Variants in RAP1B observed in about 807,000 individuals in gnomAD.
RAP1B encodes RAP1B, member of RAS oncogene family.
RAP1B carries 1 observed loss-of-function variant against 27.5 expected under a neutral mutation model. The observed-to-expected ratio is 0.04, with a 90% CI of 0.01 to 0.17. The LOEUF (loss-of-function observed/expected upper bound fraction) is 0.17, where lower values mean the gene tolerates loss of function less well. Ranked by LOEUF, RAP1B falls within the 10% of genes least tolerant of loss-of-function variation. RAP1B has a pLI of 1.00. For synonymous variants in RAP1B, 75 were observed against 73.1 expected (o/e 1.03, Z -0.13); for missense variants, 84 against 214.8 (o/e 0.39, Z 3.81).
chr12:68,656,365 G>C lies in RAP1B; in HGVS notation c.384G>C (p.Lys128Asn). Reference sequence around the variant, plus strand: ...TGGAAGATGAAAGAGTTGTAGGGAAGGAACAAGGTCAAAATCTAGCAAGAC... The same window carrying C: ...TGGAAGATGAAAGAGTTGTAGGGAACGAACAAGGTCAAAATCTAGCAAGAC... ...CDLEDERVVGKEQGQNLARQW... is the reference protein window; with the variant it reads ...CDLEDERVVGNEQGQNLARQW... The change falls in exon 6 of 8, where the codon AAG becomes AAC. Residue 128 changes from lysine (K) to asparagine (N), a missense_variant. Physicochemically the swap from Lys to Asn is moderately conservative, Grantham distance 94 (BLOSUM62 0). Coordinates refer to ENST00000250559, the MANE Select transcript of RAP1B (RefSeq NM_001010942.3). The C allele has an allele frequency of 1.2e-6, 2 of 1,608,156 alleles. No individual in the cohort carries two copies. The highest frequency in any genetic ancestry group is 4.5e-5 in the East Asian group (2 of 44,740).
Position 68,664,524 on chromosome 12 carries a change from A to G in RAP1B, c.*5275A>G, listed in dbSNP as rs1344301181. On this transcript the variant is annotated 3_prime_UTR_variant, in exon 8 of 8. Coordinates refer to ENST00000250559, the MANE Select transcript of RAP1B (RefSeq NM_001010942.3). ...GGAGTTTGAGACAAGCCTGGCCAACATGGTGAAACCCCGTCTCTACTAAAA... is the reference window on the plus strand; with the variant it reads ...GGAGTTTGAGACAAGCCTGGCCAACGTGGTGAAACCCCGTCTCTACTAAAA... 6.6e-6 allele frequency: 1 copy of G among 152,224 alleles called. No homozygotes were observed. Among genetic ancestry groups the G allele is most frequent in the Non-Finnish European group, 1.5e-5 (1 of 68,088 alleles). The allele number at this position is 152,224 out of a possible 1,614,324, so 9.4% of individuals were successfully genotyped here.
chr12:68,651,898 T>G lies in RAP1B; in HGVS notation c.127-97T>G. ...ATTAGTTTGTAAAGTTGTTAAAATC[T>G]GTGTGTCTTATTTTTGATACATTAG... On this transcript the variant is annotated intron_variant, in intron 3 of 7. Transcript: ENST00000250559. The G allele has an allele frequency of 4.5e-6, 4 of 887,812 alleles. No individual in the cohort carries two copies. In the South Asian group the frequency reaches 6.7e-5, roughly 15 times the overall value. 55.0% of individuals were successfully genotyped at this position (887,812 alleles called of 1,614,324 possible).
At position 68,650,591 on chromosome 12, in the gene RAP1B, A is replaced by G. The variant is rs979819273; in HGVS notation, c.126+123A>G. On this transcript the variant is annotated intron_variant, in intron 3 of 7. Transcript: ENST00000250559. ...AGAGTTAATTTATAAAATTAGTGGG[A>G]AAAGTTTACACTTTCTGGCATTGCA... is the stretch of plus-strand genomic sequence containing the variant. 4 of 928,878 alleles carry G rather than the reference A, an allele frequency of 4.3e-6. No individual in the cohort carries two copies. In the African/African-American group the frequency reaches 7.0e-5, roughly 16 times the overall value. 57.5% of individuals were successfully genotyped at this position (928,878 alleles called of 1,614,324 possible). A position where few individuals can be genotyped will look rare whatever the true frequency, so the allele number is the denominator to read the frequency against.
rs971089035 is a variant in RAP1B, at chr12:68,669,395, C to T, written c.*10146C>T. On this transcript the variant is annotated 3_prime_UTR_variant, in exon 8 of 8. Coordinates refer to ENST00000250559, the MANE Select transcript of RAP1B (RefSeq NM_001010942.3). ...TTTTTGTTTTTGATTTTTTAATAGA[C>T]TGGATGTTGGTCTTGAACTCCTGGG... 7.9e-5 allele frequency: 12 copies of T among 152,246 alleles called. No homozygotes were observed. Among genetic ancestry groups the T allele is most frequent in the African/African-American group, 2.9e-4 (12 of 41,546 alleles). 9.4% of individuals were successfully genotyped at this position (152,246 alleles called of 1,614,324 possible).
chr12:68,612,145 AT>A (rs1228577993), intron 1 of RAP1B, among the ~76,000 whole-genome samples: 1 of 152,222 alleles, frequency 6.6e-6, no homozygotes, highest in Non-Finnish European at 1.5e-5. Flanking sequence ...TGATTTTAGT[AT>A]TTTAAAATTA....
chr12:68,642,800 C>T, intron 1 of RAP1B: 1 of 1,030,410 alleles, frequency 9.7e-7, no homozygotes, highest in South Asian at 1.3e-5. Flanking sequence ...ATCCACCAAA[C>T]CGGCCTTGGC....
At chr12:68,623,804 C>T (rs1319832512) in intron 1 of RAP1B, among the ~76,000 whole-genome samples, 4 of 152,270 alleles carry the variant, frequency 2.6e-5, no homozygotes, top group Non-Finnish European at 5.9e-5. Context: ...GGGTGGATCA[C>T]GAGGTCAGGA....
chr12:68,627,668 A>G (rs1565660614), intron 1 of RAP1B, among the ~76,000 whole-genome samples: 1 of 152,060 alleles, frequency 6.6e-6, no homozygotes, highest in Non-Finnish European at 1.5e-5. Flanking sequence ...TACATCTAAC[A>G]GAAACATAAT....
intron 1 of RAP1B, among the ~76,000 whole-genome samples, chr12:68,640,853 C>T (rs970170867): frequency 2.0e-5 from 3 of 151,978 alleles, no homozygotes; most frequent in Non-Finnish European, 4.4e-5. Context: ...CCCCATAAGA[C>T]CAGTTTTTAT....
intron 1 of RAP1B, among the ~76,000 whole-genome samples, chr12:68,620,008 A>G (rs1871282047): frequency 6.6e-6 from 1 of 152,120 alleles, no homozygotes; most frequent in African/African-American, 2.4e-5. Flanking sequence ...TGACTTTCTC[A>G]GTTTTAAAAT....
intron 1 of RAP1B, chr12:68,624,635 G>A (rs1392323594): frequency 6.6e-6 from 1 of 152,150 alleles, no homozygotes; most frequent in Non-Finnish European, 1.5e-5. Context: ...GGCCAACATG[G>A]TGAAACCCCA....
In RAP1B at chr12:68,654,098, T is replaced by C. The variant is rs1204114493; in HGVS notation, c.184-14T>C. On this transcript the variant is annotated splice_polypyrimidine_tract_variant and intron_variant, in intron 4 of 7. Transcript: ENST00000250559. ...ACATTATTGTTTTTTAACGTTCCTT[T>C]CTTTCTATTGTAGGAGCAATTTACA... 1.9e-6 allele frequency: 3 copies of C among 1,570,020 alleles called. No individual in the cohort carries two copies. Among genetic ancestry groups the C allele is most frequent in the Non-Finnish European group, 2.6e-6 (3 of 1,146,170 alleles).
At chr12:68,651,812 G>A in intron 3 of RAP1B, 183 bp from the exon 4 acceptor site, 2 of 532,150 alleles carry the variant, frequency 3.8e-6, no homozygotes, top group East Asian at 2.9e-5. Flanking sequence ...ACAATTTGGG[G>A]GTCTTTGAAT....
In RAP1B at chr12:68,650,475, ATTAC is replaced by A. The variant is rs1330165796; in HGVS notation, c.126+10_126+13del. 9.3e-6 allele frequency: 14 copies of A among 1,501,348 alleles called. No homozygotes were observed. The highest frequency in any genetic ancestry group is 1.2e-5 in the Non-Finnish European group (14 of 1,121,828). 93.0% of individuals were successfully genotyped at this position (1,501,348 alleles called of 1,614,324 possible). ...AGAAGATTCTTATAGAAAGGTATAT[ATTAC>A]TTTGGAAGGCCTTTTGCTTTTGATT... On this transcript the variant is annotated splice_region_variant and intron_variant, in intron 3 of 7. Transcript: ENST00000250559.
rs1029429576 is a variant in RAP1B, at chr12:68,660,772, A to G, written c.*1523A>G. 5.3e-5 allele frequency: 8 copies of G among 152,218 alleles called. No individual in the cohort carries two copies. The highest frequency in any genetic ancestry group is 1.7e-4 in the African/African-American group (7 of 41,474). 9.4% of individuals were successfully genotyped at this position (152,218 alleles called of 1,614,324 possible). On this transcript the variant is annotated 3_prime_UTR_variant, in exon 8 of 8. Coordinates refer to ENST00000250559, the MANE Select transcript of RAP1B (RefSeq NM_001010942.3). ...ATAATTTTGTAAATCAAGCAGTATT[A>G]CTTACGAATAAATGCCTTTGGGTAA...
chr12:68,638,687 TCTCA>T, intron 1 of RAP1B, among the ~76,000 whole-genome samples: 1 of 152,128 alleles, frequency 6.6e-6, no homozygotes, highest in Middle Eastern at 3.4e-3. Flanking sequence ...TGAGACAGAG[TCTCA>T]CTCTGTATGC....
rs1331322761 is a variant in RAP1B, at chr12:68,659,452, A to G, written c.*203A>G. The G allele has an allele frequency of 2.7e-6, 1 of 366,052 alleles. No individual in the cohort carries two copies. Among genetic ancestry groups the G allele is most frequent in the Non-Finnish European group, 5.3e-6 (1 of 187,666 alleles). The allele number at this position is 366,052 out of a possible 1,614,324, so 22.7% of individuals were successfully genotyped here. A position where few individuals can be genotyped will look rare whatever the true frequency, so the allele number is the denominator to read the frequency against. On this transcript the variant is annotated 3_prime_UTR_variant, in exon 8 of 8. Transcript: ENST00000250559. ...AGTATCACAAGAGAGATTTTTACTT[A>G]TATAATAGTCCTAGAGTTTGCAGCT...
intron 1 of RAP1B, among the ~76,000 whole-genome samples, chr12:68,620,124 AAC>A (rs1281067128): frequency 6.6e-6 from 1 of 150,732 alleles, no homozygotes; most frequent in Non-Finnish European, 1.5e-5. Flanking sequence ...ACTTTTCAAA[AAC>A]ACACCTGTAG....
rs1049660586 is a variant in RAP1B, at chr12:68,665,332, C to T, written c.*6083C>T. The T allele has an allele frequency of 6.6e-6, 1 of 152,292 alleles. No homozygotes were observed. The highest frequency in any genetic ancestry group is 1.9e-4 in the East Asian group (1 of 5,180). The allele number at this position is 152,292 out of a possible 1,614,324, so 9.4% of individuals were successfully genotyped here. A position where few individuals can be genotyped will look rare whatever the true frequency, so the allele number is the denominator to read the frequency against. On this transcript the variant is annotated 3_prime_UTR_variant, in exon 8 of 8. Coordinates refer to ENST00000250559, the MANE Select transcript of RAP1B (RefSeq NM_001010942.3). ...TTAACACAGCCAGCTTGTCAGCTACCTTTGAACATGTATTTTCTGTGCAGT... is the reference window on the plus strand; with the variant it reads ...TTAACACAGCCAGCTTGTCAGCTACTTTTGAACATGTATTTTCTGTGCAGT...
Sources: gnomAD v4.1 joint callset for allele counts (sites outside exome capture counted in the v4.1 genomes callset) on GRCh38, gnomAD v4.1.1 for gene constraint, MANE v1.5 for transcripts, NCBI Gene and HGNC (gene_info 2026-07-23, HGNC 2026-07-21) for gene names.